ADAM12: variants seen among roughly 807,000 people sequenced by gnomAD.
ADAM12 encodes the protein ADAM metallopeptidase domain 12, also known as disintegrin and metalloproteinase domain-containing protein 12.
A neutral mutation model predicts 106.4 loss-of-function variants in ADAM12; 70 were observed. That is an observed-to-expected ratio of 0.66 (90% CI 0.54 to 0.80). The LOEUF is 0.80. Ranked by LOEUF, ADAM12 falls within the 30% of genes least tolerant of loss-of-function variation. The pLI is 0.00. For missense variants in ADAM12, 1,010 were observed against 1,171.9 expected, an observed-to-expected ratio of 0.86 and a Z score of 2.02; for synonymous variants, 420 against 433.5, an observed-to-expected ratio of 0.97 and a Z score of 0.39.
intron 2 of ADAM12, among the ~76,000 whole-genome samples, chr10:126,311,755 G>A (rs986380024): frequency 4.6e-5 from 7 of 152,114 alleles, no homozygotes; most frequent in Admixed American, 6.5e-5. Flanking sequence ...GCAACTCCAC[G>A]GGGACAGCAG....
At chr10:126,038,070 C>T (rs1045108835) in intron 20 of ADAM12, among the ~76,000 whole-genome samples, 171 bp downstream of exon 20, 1 of 152,212 alleles carries the variant, frequency 6.6e-6, no homozygotes, top group African/African-American at 2.4e-5. Flanking sequence ...ACCGTGGGGC[C>T]TCCCTCTGGC....
Position 126,019,759 on chromosome 10 carries a change from G to T in ADAM12, c.2596C>A (p.Leu866Ile). The change falls in exon 22 of 23, where the codon CTC becomes ATC. Residue 866 changes from leucine to isoleucine, a missense_variant. Physicochemically the swap from Leu to Ile is conservative, Grantham distance 5 (BLOSUM62 2). Around this residue, in one of 3 missense-constraint regions of ADAM12, gnomAD observed 615 missense variants for 708.5 expected, o/e 0.87. Transcript: ENST00000448723. The part of the protein sequence containing the change: ...PADPLARTTR[L>I]THALARTPGQ... ...GGGGTCCTGGCCAAGGCATGAGTGA[G>T]CCGAGTTGTTCTGGCCAGAGGATCT... The T allele has an allele frequency of 6.2e-7, 1 of 1,614,150 alleles. No homozygotes were observed.
intron 3 of ADAM12, among the ~76,000 whole-genome samples, chr10:126,164,561 C>CA (rs1248165156): frequency 7.2e-5 from 11 of 152,270 alleles, no homozygotes; most frequent in African/African-American, 2.6e-4. Flanking sequence ...AGAGCTTTAA[C>CA]AAAACATAGC....
In ADAM12 at chr10:126,302,065, A is replaced by G. The variant is rs922663154; in HGVS notation, c.187-23077T>C. Among the ~76,000 whole-genome samples the G allele has an allele frequency of 2.0e-5, 3 of 152,294 alleles. No individual in the cohort carries two copies. The East Asian group carries it at 5.8e-4, about 29-fold the overall frequency. On this transcript the variant is annotated intron_variant, in intron 2 of 22. Transcript: ENST00000448723. ...AAATTTCGACATTCTCTGGAGAAAC[A>G]ATCTTTAGTGTGTTCTCCAGAGGGA...
intron 8 of ADAM12, among the ~76,000 whole-genome samples, chr10:126,106,249 C>T (rs908079322): frequency 4.6e-5 from 7 of 152,266 alleles, no homozygotes; most frequent in South Asian, 2.1e-4. Context: ...ACTCATCCCT[C>T]GTCCTGCAAA....
chr10:126,337,634 T>C (rs2133863022), intron 1 of ADAM12, among the ~76,000 whole-genome samples: 1 of 152,292 alleles, frequency 6.6e-6, no homozygotes, highest in Admixed American at 6.5e-5. Flanking sequence ...CAATCTCCTC[T>C]GGCAACACCC....
At chr10:126,348,025 C>T (rs1187129660) in intron 1 of ADAM12, among the ~76,000 whole-genome samples, 1 of 152,122 alleles carries the variant, frequency 6.6e-6, no homozygotes, top group Non-Finnish European at 1.5e-5. Context: ...AAAGGTGGGA[C>T]CTTTGGAGTA....
At chr10:126,039,477 A>G (rs375204547) in intron 18 of ADAM12, 48 bp from the exon 19 acceptor site, 3 of 1,610,620 alleles carry the variant, frequency 1.9e-6, no homozygotes, top group Non-Finnish European at 2.5e-6. Context: ...TTACAATGAA[A>G]TATGGGAGGT....
chr10:126,244,372 G>A (rs1230585418), intron 3 of ADAM12, among the ~76,000 whole-genome samples: 3 of 152,182 alleles, frequency 2.0e-5, no homozygotes, highest in Non-Finnish European at 2.9e-5. Flanking sequence ...ATGGAAGAGA[G>A]GAGAAGGTAC....
intron 5 of ADAM12, among the ~76,000 whole-genome samples, chr10:126,128,442 T>C (rs1956241654): frequency 6.6e-6 from 1 of 152,208 alleles, no homozygotes; most frequent in African/African-American, 2.4e-5. Context: ...CCCATTCTCA[T>C]GAAAACAGGA....
In ADAM12 at chr10:126,330,479, T is replaced by A; in HGVS notation, c.119A>T (p.Asp40Val). 1 of 1,613,856 alleles carries A rather than the reference T, an allele frequency of 6.2e-7. No homozygotes were observed. Among genetic ancestry groups the A allele is most frequent in the Non-Finnish European group, 8.5e-7 (1 of 1,179,960 alleles). ...GVSLWNQGRADEVVSASVGSG... is the reference protein window; with the variant it reads ...GVSLWNQGRAVEVVSASVGSG... ...CCCAACAGAGGCACTGACAACTTCA[T>A]CAGCTCTTCCTTGGTTCCATAAGCT... The change falls in exon 2 of 23, where the codon GAT becomes GTT. Residue 40 changes from aspartate to valine, a missense_variant. Around this residue, in one of 3 missense-constraint regions of ADAM12, gnomAD observed 391 missense variants for 442.9 expected, o/e 0.88. Transcript: ENST00000448723.
At chr10:126,332,147 C>T (rs1050904682) in intron 1 of ADAM12, among the ~76,000 whole-genome samples, 1 of 152,202 alleles carries the variant, frequency 6.6e-6, no homozygotes, top group Admixed American at 6.5e-5. Context: ...TTACTCACCA[C>T]TCACCAAGTA....
chr10:126,034,843 C>T (rs895841426), intron 21 of ADAM12, among the ~76,000 whole-genome samples: 1 of 152,054 alleles, frequency 6.6e-6, no homozygotes, highest in African/African-American at 2.4e-5. Context: ...CAAAATAAAA[C>T]TGGAGTGGAT....
chr10:126,215,220 A>C (rs12254382), intron 3 of ADAM12, among the ~76,000 whole-genome samples: 2 of 152,030 alleles, frequency 1.3e-5, no homozygotes, highest in Non-Finnish European at 2.9e-5. Context: ...TACGGCCTGG[A>C]TGGCCTTTCC....
At chr10:126,284,836 G>A (rs1256073251) in intron 2 of ADAM12, among the ~76,000 whole-genome samples, 1 of 152,128 alleles carries the variant, frequency 6.6e-6, no homozygotes, top group Non-Finnish European at 1.5e-5. Context: ...TGTTTTATTT[G>A]TTCACTTTGA....
intron 11 of ADAM12, 94 bp downstream of exon 11, chr10:126,093,891 A>T: frequency 1.3e-6 from 2 of 1,546,478 alleles, no homozygotes; most frequent in Non-Finnish European, 1.8e-6. Flanking sequence ...GGGTGCTCTG[A>T]CCAGAAAACC....
chr10:126,350,874 T>C (rs944930106), intron 1 of ADAM12, among the ~76,000 whole-genome samples: 5 of 152,186 alleles, frequency 3.3e-5, no homozygotes, highest in Non-Finnish European at 5.9e-5. Context: ...TTGCCATGGG[T>C]ACCTCAGATC....
intron 1 of ADAM12, among the ~76,000 whole-genome samples, chr10:126,347,256 G>T (rs377431206): frequency 5.9e-5 from 9 of 152,258 alleles, no homozygotes; most frequent in Non-Finnish European, 8.8e-5. Context: ...GTCTGTAAAG[G>T]ATTTTATTTC....
At chr10:126,279,789 C>T (rs1043046866) in intron 2 of ADAM12, among the ~76,000 whole-genome samples, 1 of 151,766 alleles carries the variant, frequency 6.6e-6, no homozygotes, top group Admixed American at 6.6e-5. Flanking sequence ...TCCCACAGAA[C>T]AGGCACCACA....
Sources: allele counts gnomAD v4.1 joint callset (sites outside exome capture counted in the v4.1 genomes callset), GRCh38; gene constraint gnomAD v4.1.1; regional missense constraint gnomAD v4.1.1; transcripts MANE v1.5; gene names NCBI Gene and HGNC (gene_info 2026-07-23, HGNC 2026-07-21).